CLYBL: variants seen among roughly 807,000 people sequenced by gnomAD.
CLYBL encodes the protein citramalyl-CoA lyase.
CLYBL carries 31 observed loss-of-function variants against 38.9 expected under a neutral mutation model. That is an observed-to-expected ratio of 0.80 (90% CI 0.60 to 1.08). The LOEUF (loss-of-function observed/expected upper bound fraction) is 1.08, where lower values mean the gene tolerates loss of function less well. Among genes scored for constraint, CLYBL ranks in the 50% least tolerant of loss-of-function variants. CLYBL has a pLI of 0.00. For missense variants in CLYBL, 434 were observed against 411.6 expected, an observed-to-expected ratio of 1.05 and a Z score of -0.47; for synonymous variants, 171 against 158.6, an observed-to-expected ratio of 1.08 and a Z score of -0.59.
In CLYBL at chr13:99,848,118, ACTTACTGAAAT is replaced by A. The variant is rs575537562; in HGVS notation, c.250-10741_250-10731del. On this transcript the variant is annotated intron_variant, in intron 2 of 8. Transcript: ENST00000339105. ...TTTCTGGCTCTCTCACCTCCTCTGC[ACTTACTGAAAT>A]CCTGTTCAGTCTTCAGAGGCCACCC... 1.9e-4 allele frequency among the ~76,000 whole-genome samples: 29 copies of A among 152,056 alleles called. No homozygotes were observed. In the East Asian group the frequency reaches 4.6e-3, roughly 24 times the overall value.
At chr13:99,776,031 G>A (rs1390451788) in intron 2 of CLYBL, among the ~76,000 whole-genome samples, 1 of 151,760 alleles carries the variant, frequency 6.6e-6, no homozygotes, top group African/African-American at 2.4e-5. Context: ...GGGCGTGGTG[G>A]CGGGCGCCTG....
At chr13:99,608,567 G>A (rs929390453) in intron 1 of CLYBL, among the ~76,000 whole-genome samples, 6 of 152,002 alleles carry the variant, frequency 3.9e-5, no homozygotes, top group Non-Finnish European at 7.4e-5. Flanking sequence ...CTTTTCTGGC[G>A]CCTTTTGAGG....
intron 1 of CLYBL, among the ~76,000 whole-genome samples, chr13:99,671,014 C>T (rs1220214174): frequency 6.6e-6 from 1 of 152,208 alleles, no homozygotes; most frequent in Non-Finnish European, 1.5e-5. Context: ...CATCTTATGC[C>T]ACTCTCTCCC....
chr13:99,771,414 CATGTAATTT>C (rs2049393339), intron 1 of CLYBL, among the ~76,000 whole-genome samples: 2 of 152,156 alleles, frequency 1.3e-5, no homozygotes, highest in African/African-American at 4.8e-5. Flanking sequence ...GCTTCATGGA[CATGTAATTT>C]GTGCTCTTAG....
chr13:99,899,139 G>A (rs138029543), downstream of CLYBL, among the ~76,000 whole-genome samples: 167 of 152,292 alleles, frequency 1.1e-3, 1 homozygote, highest in African/African-American at 3.5e-3. Context: ...TTCCTATGAG[G>A]ATGTGGTAGT....
chr13:99,730,311 A>G (rs2048565187), intron 1 of CLYBL, among the ~76,000 whole-genome samples: 1 of 152,120 alleles, frequency 6.6e-6, no homozygotes, highest in African/African-American at 2.4e-5. Flanking sequence ...ACCAATCACC[A>G]CCACAGCCTG....
intron 1 of CLYBL, among the ~76,000 whole-genome samples, chr13:99,644,004 C>CAAA (rs71118498): frequency 2.1e-4 from 19 of 89,054 alleles, no homozygotes; most frequent in African/African-American, 6.8e-4. Flanking sequence ...GACTCTGTCT[C>CAAA]AAAAAAAAAA....
intron 2 of CLYBL, among the ~76,000 whole-genome samples, chr13:99,827,505 G>A (rs1451034523): frequency 6.6e-6 from 1 of 152,182 alleles, no homozygotes; most frequent in Non-Finnish European, 1.5e-5. Flanking sequence ...CATCCCCGCT[G>A]CAGAAAGAAA....
At chr13:99,767,438 G>A (rs182761867) in intron 1 of CLYBL, among the ~76,000 whole-genome samples, 3 of 152,334 alleles carry the variant, frequency 2.0e-5, no homozygotes, top group African/African-American at 7.2e-5. Flanking sequence ...GTGTCTTTGA[G>A]TTCATCTTAC....
intron 1 of CLYBL, among the ~76,000 whole-genome samples, chr13:99,753,332 A>C (rs529674060): frequency 6.6e-6 from 1 of 152,100 alleles, no homozygotes; most frequent in African/African-American, 2.4e-5. Context: ...TGTGTTTTTT[A>C]AAGTCCAGAC....
chr13:99,887,474 A>G (rs897885622), intron 7 of CLYBL, among the ~76,000 whole-genome samples: 1 of 152,232 alleles, frequency 6.6e-6, no homozygotes, highest in Admixed American at 6.5e-5. Flanking sequence ...AGAAAGGAGA[A>G]TGGTGCTGAG....
intron 2 of CLYBL, among the ~76,000 whole-genome samples, chr13:99,805,789 T>G (rs566027242): frequency 6.6e-6 from 1 of 152,296 alleles, no homozygotes; most frequent in East Asian, 1.9e-4. Context: ...AAGAAATAAT[T>G]CTGAATCCAC....
intron 2 of CLYBL, among the ~76,000 whole-genome samples, chr13:99,803,007 G>A (rs1024750815): frequency 6.6e-6 from 1 of 152,190 alleles, no homozygotes; most frequent in Non-Finnish European, 1.5e-5. Flanking sequence ...ACTCTTAGTG[G>A]AGGTGGGAAT....
chr13:99,885,028 C>T (rs1340411957), intron 7 of CLYBL: 2 of 519,132 alleles, frequency 3.9e-6, no homozygotes, highest in African/African-American at 3.9e-5. Context: ...TCCATCATCA[C>T]CAGGTCAGCG....
Position 99,865,852 on chromosome 13 carries a change from C to T in CLYBL, c.635-388C>T, listed in dbSNP as rs541236984. On this transcript the variant is annotated intron_variant, in intron 5 of 8. Transcript: ENST00000339105. The surrounding 1 kb of genome is among the most constrained non-coding windows in gnomAD (Gnocchi z 4.7). ...ACAGTTCTGTGCTTGCTGTGAAACA[C>T]GAACCATTGCCCTGCATAGCTGCTG... 6.6e-6 allele frequency among the ~76,000 whole-genome samples: 1 copy of T among 152,266 alleles called. No homozygotes were observed. Among genetic ancestry groups the T allele is most frequent in the Non-Finnish European group, 1.5e-5 (1 of 68,022 alleles).
Position 99,853,377 on chromosome 13 carries a change from A to G in CLYBL, c.250-5484A>G, listed in dbSNP as rs375411396. Among the ~76,000 whole-genome samples the G allele has an allele frequency of 8.0e-5, 12 of 149,186 alleles. No individual in the cohort carries two copies. In the East Asian group the frequency reaches 9.6e-4, roughly 12 times the overall value. On this transcript the variant is annotated intron_variant, in intron 2 of 8. Coordinates refer to ENST00000339105, the MANE Select transcript of CLYBL (RefSeq NM_206808.5). ...TTTTAATGTATGTTTCATGATTAAC[A>G]TATCAAAAACTTTGCTCTGCCAAAA...
intron 9 of CLYBL, among the ~76,000 whole-genome samples, chr13:99,906,168 T>A (rs1020360525): frequency 3.3e-5 from 5 of 152,176 alleles, no homozygotes; most frequent in Non-Finnish European, 7.3e-5. Flanking sequence ...TCCTGTACAT[T>A]CCAAATGGAC....
chr13:99,859,704 C>T (rs1358055771), intron 3 of CLYBL, among the ~76,000 whole-genome samples: 2 of 152,138 alleles, frequency 1.3e-5, no homozygotes, highest in Non-Finnish European at 1.5e-5. Context: ...GTTGGCATGT[C>T]AAATTACTTA....
intron 3 of CLYBL, among the ~76,000 whole-genome samples, chr13:99,859,591 A>G (rs1350473241): frequency 3.9e-5 from 6 of 152,196 alleles, no homozygotes; most frequent in Non-Finnish European, 8.8e-5. Flanking sequence ...CACTGATATT[A>G]TTTCCTGAAC....
Sources: gnomAD v4.1 joint callset for allele counts (sites outside exome capture counted in the v4.1 genomes callset) on GRCh38, gnomAD v4.1.1 for gene constraint, Gnocchi (gnomAD v3.1) non-coding constraint, MANE v1.5 for transcripts, NCBI Gene and HGNC (gene_info 2026-07-23, HGNC 2026-07-21) for gene names.